The following SUMF1 variants were observed in gnomAD, a reference collection of about 807,000 sequenced individuals.
SUMF1 encodes the protein sulfatase modifying factor 1, also known as formylglycine-generating enzyme.
A neutral mutation model predicts 47.6 loss-of-function variants in SUMF1; 48 were observed. That is an observed-to-expected ratio of 1.01 (90% CI 0.80 to 1.28). The LOEUF (loss-of-function observed/expected upper bound fraction) is 1.28. Ranked by LOEUF, SUMF1 falls within the 50% of genes most tolerant of loss-of-function variation. The probability of loss-of-function intolerance (pLI) is 0.00; values close to 1 mark genes in which losing one functional copy is unlikely to be tolerated. For missense variants in SUMF1, 571 were observed against 485.4 expected (o/e 1.18, Z -1.66); for synonymous variants, 230 against 192.1 (o/e 1.20, Z -1.63).
At chr3:4,319,416 T>C (rs1698772543) in intron 8 of SUMF1, among the ~76,000 whole-genome samples, 1 of 152,112 alleles carries the variant, frequency 6.6e-6, no homozygotes, top group Non-Finnish European at 1.5e-5. Flanking sequence ...TGGGGAGGCT[T>C]ACATAGTGAG....
intron 8 of SUMF1, among the ~76,000 whole-genome samples, chr3:4,279,278 A>T (rs952661670): frequency 5.9e-5 from 9 of 152,172 alleles, no homozygotes; most frequent in Non-Finnish European, 1.0e-4. Context: ...AATCATGTAA[A>T]TACCTTTAAC....
At chr3:4,069,057 G>C (rs929745089) in intron 8 of SUMF1, among the ~76,000 whole-genome samples, 9 of 152,120 alleles carry the variant, frequency 5.9e-5, no homozygotes, top group African/African-American at 1.9e-4. Flanking sequence ...GAATCAGCAA[G>C]ACCAACAGCA....
chr3:4,367,427 T>C (rs1700013982), intron 8 of SUMF1, among the ~76,000 whole-genome samples: 1 of 152,162 alleles, frequency 6.6e-6, no homozygotes, highest in Non-Finnish European at 1.5e-5. Context: ...AATTTATAGA[T>C]TCAATGCCAT....
chr3:4,303,576 G>T (rs1698042351), intron 8 of SUMF1: 3 of 1,346,382 alleles, frequency 2.2e-6, no homozygotes, highest in Admixed American at 4.2e-5. Context: ...GCTCCCCCAC[G>T]TGGTCTCCTC....
intron 8 of SUMF1, among the ~76,000 whole-genome samples, chr3:4,352,752 AAAG>A (rs1471338271): frequency 7.0e-6 from 1 of 142,212 alleles, no homozygotes; most frequent in African/African-American, 2.7e-5. Flanking sequence ...AAAAAAAAAA[AAAG>A]GGTGACAACC....
intron 8 of SUMF1, among the ~76,000 whole-genome samples, chr3:4,180,379 T>C (rs1413343214): frequency 1.3e-5 from 2 of 151,742 alleles, no homozygotes; most frequent in Non-Finnish European, 2.9e-5. Flanking sequence ...AAAGGATGAG[T>C]TCATGTCCTT....
At chr3:4,303,656 G>C in intron 8 of SUMF1, 4 of 1,440,062 alleles carry the variant, frequency 2.8e-6, no homozygotes, top group Non-Finnish European at 3.6e-6. Context: ...CCGTTGGTGC[G>C]CGGGAATAGG....
intron 8 of SUMF1, among the ~76,000 whole-genome samples, chr3:4,327,280 C>T (rs1698965233): frequency 6.6e-6 from 1 of 152,188 alleles, no homozygotes; most frequent in South Asian, 2.1e-4. Context: ...ATTAGCTCTC[C>T]AGTGAGAATC....
rs543435961 is a variant in SUMF1 at position 4,383,440 on chromosome 3, A to G, written c.955-7051T>C. On this transcript the variant is annotated intron_variant, in intron 7 of 8. Coordinates refer to ENST00000272902, the MANE Select transcript of SUMF1 (RefSeq NM_182760.4). Reference sequence around the variant, plus strand: ...GACATCTTTTCAACAAATAAATAGCAAGGGAGGAAAAAGAGAGAAGTTATA... The same window carrying G: ...GACATCTTTTCAACAAATAAATAGCGAGGGAGGAAAAAGAGAGAAGTTATA... Among the ~76,000 whole-genome samples the G allele has an allele frequency of 3.9e-5, 6 of 152,278 alleles. No homozygotes were observed. The South Asian group carries it at 1.2e-3, about 32-fold the overall frequency.
intron 8 of SUMF1, among the ~76,000 whole-genome samples, chr3:4,306,944 G>A (rs1429659256): frequency 6.6e-6 from 1 of 152,188 alleles, no homozygotes; most frequent in Non-Finnish European, 1.5e-5. Flanking sequence ...CTAACAGTTG[G>A]ATCTAACCAT....
intron 8 of SUMF1, among the ~76,000 whole-genome samples, chr3:4,307,377 A>G (rs1237237565): frequency 6.6e-6 from 1 of 152,170 alleles, no homozygotes; most frequent in East Asian, 1.9e-4. Flanking sequence ...GAAACCTCAT[A>G]ACCATGCTTT....
chr3:4,217,235 A>T (rs1457230203), intron 8 of SUMF1, among the ~76,000 whole-genome samples: 1 of 151,586 alleles, frequency 6.6e-6, no homozygotes, highest in Non-Finnish European at 1.5e-5. Flanking sequence ...GAAGCTGGAA[A>T]CCATCACTCT....
intron 9 of SUMF1, among the ~76,000 whole-genome samples, chr3:4,059,884 A>G (rs1443162860): frequency 2.0e-5 from 3 of 151,662 alleles, no homozygotes; most frequent in Non-Finnish European, 1.5e-5. Flanking sequence ...CTGGATAAGG[A>G]GAATAAAAAT....
rs527456505 is a variant in SUMF1, at chr3:4,246,918, C to T, written c.1014+129412G>A. On this transcript the variant is annotated intron_variant and NMD_transcript_variant, in intron 8 of 12. Transcript: ENST00000448413. The stretch of plus-strand genomic sequence containing the variant: ...GTTTTAATTATATATTTCCTTAACA[C>T]ATAATTTGGTTTTGGGTATGTTTAG... Among the ~76,000 whole-genome samples, 28 of 152,254 alleles carry T rather than the reference C, an allele frequency of 1.8e-4. No individual in the cohort carries two copies. In the East Asian group the frequency reaches 5.4e-3, roughly 29 times the overall value.
At chr3:4,389,447 G>A (rs1037116821) in intron 7 of SUMF1, among the ~76,000 whole-genome samples, 24 of 151,878 alleles carry the variant, frequency 1.6e-4, no homozygotes, top group African/African-American at 5.8e-4. Context: ...GATTTCTTCA[G>A]AATTACCCTC....
intron 9 of SUMF1, among the ~76,000 whole-genome samples, chr3:4,066,276 C>G (rs1056284817): frequency 6.6e-6 from 1 of 151,938 alleles, no homozygotes; most frequent in African/African-American, 2.4e-5. Context: ...AAACCCAAAA[C>G]ATGAGCAACC....
intron 8 of SUMF1, among the ~76,000 whole-genome samples, chr3:4,107,693 C>T (rs976261624): frequency 2.6e-5 from 4 of 152,000 alleles, no homozygotes; most frequent in African/African-American, 9.7e-5. Context: ...CAACTCATGT[C>T]GGTAATAGCA....
At position 4,177,091 on chromosome 3, in the gene SUMF1, G is replaced by A. The variant is rs192173692; in HGVS notation, c.1015-108346C>T. On this transcript the variant is annotated intron_variant and NMD_transcript_variant, in intron 8 of 12. Transcript: ENST00000448413. The stretch of plus-strand genomic sequence containing the variant: ...TCAGACTCCCACACAATAAAAATGG[G>A]AGACTTTAATACCCCACTGTCAATA... Among the ~76,000 whole-genome samples, 140 of 152,222 alleles carry A rather than the reference G, an allele frequency of 9.2e-4. 2 individuals carry two copies. The East Asian group carries it at 0.024, about 26-fold the overall frequency.
In SUMF1 at chr3:4,453,096, T is replaced by G. The variant is rs925169257; in HGVS notation, c.271-47A>C. On this transcript the variant is annotated intron_variant, in intron 1 of 8. Transcript: ENST00000272902. ...AGGAAGTCATGCATCACAGCCAAGG[T>G]GTACCTGTGTAGGGGTAAAGTTCCT... The G allele has an allele frequency of 3.2e-6, 5 of 1,573,252 alleles. No homozygotes were observed. In the East Asian group the frequency reaches 1.1e-4, roughly 36 times the overall value.
Sources: allele counts gnomAD v4.1 joint callset (sites outside exome capture counted in the v4.1 genomes callset), GRCh38; gene constraint gnomAD v4.1.1; transcripts MANE v1.5; gene names NCBI Gene and HGNC (gene_info 2026-07-23, HGNC 2026-07-21).